Variants in POLR3G observed in about 807,000 individuals in gnomAD.
POLR3G encodes the protein RNA polymerase III subunit G, also known as DNA-directed RNA polymerase III subunit RPC7.
POLR3G carries 28 observed loss-of-function variants against 30.1 expected under a neutral mutation model. That is an observed-to-expected ratio of 0.93 (90% CI 0.69 to 1.27). The LOEUF (loss-of-function observed/expected upper bound fraction) is 1.27. Among genes scored for constraint, POLR3G ranks in the 50% most tolerant of loss-of-function variants. POLR3G has a pLI of 0.00. For missense variants in POLR3G, 254 were observed against 264.6 expected, an observed-to-expected ratio of 0.96 and a Z score of 0.28; for synonymous variants, 79 against 82.5, an observed-to-expected ratio of 0.96 and a Z score of 0.23.
At chr5:90,505,088 T>C (rs562710076) in intron 6 of POLR3G, among the ~76,000 whole-genome samples, 96 of 152,200 alleles carry the variant, frequency 6.3e-4, no homozygotes, top group Non-Finnish European at 8.8e-4. Flanking sequence ...TAAATTCAAA[T>C]TTGAATTTAA....
intron 2 of POLR3G, among the ~76,000 whole-genome samples, chr5:90,487,314 A>G (rs1470662345): frequency 6.7e-6 from 1 of 149,970 alleles, no homozygotes; most frequent in African/African-American, 2.5e-5. Flanking sequence ...TGAGGTTAAT[A>G]AGAACCTAAA....
chr5:90,497,574 G>A, intron 4 of POLR3G, 82 bp from the exon 5 acceptor site: 1 of 1,470,550 alleles, frequency 6.8e-7, no homozygotes, highest in Non-Finnish European at 9.1e-7. Flanking sequence ...CTGGACAACT[G>A]TTGTGTCCTT....
rs548344039 is a variant in POLR3G at position 90,506,620 on chromosome 5, C to A, written c.531C>A (p.Asp177Glu). 6 of 1,612,288 alleles carry A rather than the reference C, an allele frequency of 3.7e-6. No homozygotes were observed. The African/African-American group carries it at 8.0e-5, about 22-fold the overall frequency. Residue 177 changes from aspartate to glutamate, a missense_variant, in exon 7 of 8, where the codon GAC (aspartate) becomes GAA (glutamate). Asp to Glu is a conservative substitution (Grantham distance 45). Coordinates refer to ENST00000651687, the MANE Select transcript of POLR3G (RefSeq NM_006467.3). Reference sequence around the variant, plus strand: ...AGAAAAGTAAAGAAGGTGATGATGACGATGACGATGATGCCGCAGAACAGG... The same window carrying A: ...AGAAAAGTAAAGAAGGTGATGATGAAGATGACGATGATGCCGCAGAACAGG... ...SKEKSKEGDD[D>E]DDDDAAEQEE...
intron 5 of POLR3G, among the ~76,000 whole-genome samples, chr5:90,501,450 G>GA (rs1402744736): frequency 1.3e-5 from 2 of 152,124 alleles, no homozygotes; most frequent in Non-Finnish European, 2.9e-5. Context: ...AAGCTGAAAG[G>GA]AATATTTATC....
intron 3 of POLR3G, among the ~76,000 whole-genome samples, chr5:90,490,374 A>G (rs1209323698): frequency 7.2e-6 from 1 of 138,498 alleles, no homozygotes; most frequent in Non-Finnish European, 1.5e-5. Flanking sequence ...CTTCATGTTT[A>G]CTTCTGTCTT....
intron 6 of POLR3G, among the ~76,000 whole-genome samples, chr5:90,506,156 GAGA>G (rs751336361): frequency 5.3e-5 from 8 of 152,088 alleles, no homozygotes; most frequent in Non-Finnish European, 1.2e-4. Flanking sequence ...TTGAACCCAG[GAGA>G]AGGAGGTTGC....
intron 3 of POLR3G, among the ~76,000 whole-genome samples, chr5:90,495,099 A>G (rs1378542208): frequency 3.3e-5 from 5 of 152,148 alleles, no homozygotes; most frequent in Non-Finnish European, 7.4e-5. Context: ...CTGATCTACT[A>G]CTTATTTTGG....
At chr5:90,485,777 C>T (rs2115500) in intron 2 of POLR3G, 93 bp downstream of exon 2, 637,641 of 785,844 alleles carry the variant, frequency 0.81, 259,994 homozygotes, top group Admixed American at 0.83. Flanking sequence ...ATGATTATAG[C>T]ATCCTCAAGT....
chr5:90,506,698 A>G (rs1345011243), intron 7 of POLR3G, 24 bp downstream of exon 7: 3 of 1,581,028 alleles, frequency 1.9e-6, no homozygotes, highest in East Asian at 2.2e-5. Flanking sequence ...TGGGGATGGT[A>G]GCAAAATTAA....
At chr5:90,478,259 A>G (rs1750937268) in intron 1 of POLR3G, among the ~76,000 whole-genome samples, 1 of 152,186 alleles carries the variant, frequency 6.6e-6, no homozygotes, top group African/African-American at 2.4e-5. Context: ...TCTCAGAACA[A>G]TTCTGAATAG....
intron 5 of POLR3G, among the ~76,000 whole-genome samples, chr5:90,501,121 G>A (rs772405027): frequency 3.9e-5 from 6 of 152,000 alleles, no homozygotes; most frequent in Admixed American, 2.0e-4. Flanking sequence ...AGTATATTCA[G>A]TTTATTTTAA....
At chr5:90,507,925 A>G (rs777046150) in intron 7 of POLR3G, among the ~76,000 whole-genome samples, 1 of 152,040 alleles carries the variant, frequency 6.6e-6, no homozygotes, top group Non-Finnish European at 1.5e-5. Context: ...TTTCTAAGAA[A>G]CTTAGACCCT....
At chr5:90,495,536 C>G in intron 3 of POLR3G, 141 bp from the exon 4 acceptor site, 1 of 1,378,008 alleles carries the variant, frequency 7.3e-7, no homozygotes, top group Non-Finnish European at 9.5e-7. Flanking sequence ...TTTTCCCATT[C>G]TCTTATGTAC....
chr5:90,509,249 C>G (rs1752627321), intron 7 of POLR3G, among the ~76,000 whole-genome samples: 1 of 152,054 alleles, frequency 6.6e-6, no homozygotes, highest in African/African-American at 2.4e-5. Context: ...CTTTAAATGT[C>G]AGTATTCTTC....
At chr5:90,485,761 G>A in intron 2 of POLR3G, 77 bp downstream of exon 2, 1 of 1,001,564 alleles carries the variant, frequency 1.0e-6, no homozygotes, top group South Asian at 1.5e-5. Context: ...ATATGGGACT[G>A]GATGTATGAT....
chr5:90,477,999 T>C (rs1750921271), intron 1 of POLR3G, among the ~76,000 whole-genome samples: 1 of 152,248 alleles, frequency 6.6e-6, no homozygotes, highest in African/African-American at 2.4e-5. Flanking sequence ...TTTCCTGTCA[T>C]AGCCGTAATG....
At chr5:90,476,921 T>C (rs1561244662) in intron 1 of POLR3G, among the ~76,000 whole-genome samples, 1 of 152,208 alleles carries the variant, frequency 6.6e-6, no homozygotes, top group Non-Finnish European at 1.5e-5. Flanking sequence ...CTATAAAATA[T>C]ATTTTGTCAG....
intron 4 of POLR3G, among the ~76,000 whole-genome samples, chr5:90,496,902 A>G (rs1168963398): frequency 6.6e-6 from 1 of 152,220 alleles, no homozygotes; most frequent in Non-Finnish European, 1.5e-5. Flanking sequence ...ATATTCCGTC[A>G]TGATCTAAAA....
chr5:90,478,307 G>A (rs1750939320), intron 1 of POLR3G, among the ~76,000 whole-genome samples: 1 of 152,142 alleles, frequency 6.6e-6, no homozygotes, highest in African/African-American at 2.4e-5. Flanking sequence ...AAGGGGCAAT[G>A]CTACTGATTT....
Sources: allele counts gnomAD v4.1 joint callset (sites outside exome capture counted in the v4.1 genomes callset), GRCh38; gene constraint gnomAD v4.1.1; transcripts MANE v1.5; gene names NCBI Gene and HGNC (gene_info 2026-07-23, HGNC 2026-07-21).